Variants in RNF125 observed in about 807,000 individuals in gnomAD.
RNF125 encodes ring finger protein 125, also known as E3 ubiquitin-protein ligase RNF125.
RNF125 carries 21 observed loss-of-function variants against 26.0 expected under a neutral mutation model. The observed-to-expected ratio is 0.81, with a 90% CI of 0.57 to 1.16. The LOEUF is 1.16. Among genes scored for constraint, RNF125 ranks in the 50% most tolerant of loss-of-function variants. The pLI is 0.00. For synonymous variants in RNF125, 95 were observed against 109.2 expected (o/e 0.87, Z 0.81); for missense variants, 270 against 299.4 (o/e 0.90, Z 0.72).
At chr18:32,086,780 A>G in the RNF125 span, among the ~76,000 whole-genome samples, 241 of 152,062 alleles carry the variant, frequency 1.6e-3, 1 homozygote, top group African/African-American at 5.5e-3. Context: ...CGGCCTCCCA[A>G]AGTGTTGGGA....
At chr18:32,041,282 G>C (rs1181186068) in intron 2 of RNF125, among the ~76,000 whole-genome samples, 1 of 152,164 alleles carries the variant, frequency 6.6e-6, no homozygotes, top group Non-Finnish European at 1.5e-5. Context: ...TTTTATGTTT[G>C]CTCTTAATGG....
At chr18:32,054,619 T>A (rs987635096) in intron 4 of RNF125, among the ~76,000 whole-genome samples, 2 of 152,222 alleles carry the variant, frequency 1.3e-5, no homozygotes, top group Admixed American at 6.6e-5. Flanking sequence ...TCTGATTCTG[T>A]GTATCAACTA....
intron 2 of RNF125, among the ~76,000 whole-genome samples, chr18:32,038,452 C>G (rs985624849): frequency 4.6e-5 from 7 of 152,174 alleles, no homozygotes; most frequent in African/African-American, 1.7e-4. Context: ...CTCCATTTTC[C>G]CTTCTTCCCA....
At chr18:32,090,768 G>A in the RNF125 span, among the ~76,000 whole-genome samples, 1 of 152,154 alleles carries the variant, frequency 6.6e-6, no homozygotes, top group Non-Finnish European at 1.5e-5. Context: ...TGTCAACATA[G>A]ACAATAAATG....
chr18:32,076,223 G>T, downstream of RNF125: 1 of 459,976 alleles, frequency 2.2e-6, no homozygotes, highest in Admixed American at 2.9e-5. Flanking sequence ...TCTCTTTTTG[G>T]CATTGTTGAT....
intron 4 of RNF125, among the ~76,000 whole-genome samples, chr18:32,053,218 C>T (rs146286419): frequency 0.014 from 2,134 of 151,826 alleles, 135 homozygotes; most frequent in Admixed American, 0.089. Context: ...CAAAATTAGC[C>T]GGGCATGGTG....
intron 1 of RNF125, among the ~76,000 whole-genome samples, chr18:32,026,548 C>T (rs1053069983): frequency 1.3e-5 from 2 of 152,074 alleles, no homozygotes; most frequent in African/African-American, 4.8e-5. Flanking sequence ...CCTGAGCACC[C>T]AGTCTTTTGT....
At chr18:32,077,684 G>GA (rs1053331595), downstream of RNF125, among the ~76,000 whole-genome samples, 9 of 151,400 alleles carry the variant, frequency 5.9e-5, no homozygotes, top group East Asian at 3.9e-4. Context: ...TTTGAAAGAA[G>GA]AAAAAAATCA....
intron 2 of RNF125, among the ~76,000 whole-genome samples, chr18:32,041,458 T>G (rs959046891): frequency 2.0e-5 from 3 of 152,094 alleles, no homozygotes; most frequent in Non-Finnish European, 4.4e-5. Flanking sequence ...TTCTTTTTTC[T>G]GTCTCTTTTT....
At chr18:32,065,144 CAT>C (rs2039472213) in intron 4 of RNF125, among the ~76,000 whole-genome samples, 1 of 152,104 alleles carries the variant, frequency 6.6e-6, no homozygotes, top group South Asian at 2.1e-4. Context: ...AATTTTATAA[CAT>C]AATACTGAGG....
chr18:32,039,497 A>G (rs1471016809), intron 2 of RNF125, among the ~76,000 whole-genome samples: 1 of 152,140 alleles, frequency 6.6e-6, no homozygotes, highest in Non-Finnish European at 1.5e-5. Flanking sequence ...ATAACTGATG[A>G]TTGTCTTTTA....
chr18:32,035,378 AGAG>A (rs1286823687), intron 1 of RNF125, among the ~76,000 whole-genome samples: 1 of 152,186 alleles, frequency 6.6e-6, no homozygotes, highest in Non-Finnish European at 1.5e-5. Flanking sequence ...AAAAAAATAA[AGAG>A]GAAAAAAATC....
In RNF125 at chr18:32,053,906, G is replaced by C. The variant is rs190625317; in HGVS notation, c.504+8174G>C. 2.0e-3 allele frequency among the ~76,000 whole-genome samples: 299 copies of C among 152,050 alleles called. 2 individuals carry two copies. The highest frequency in any genetic ancestry group is 6.8e-3 in the African/African-American group (281 of 41,468). On this transcript the variant is annotated intron_variant, in intron 4 of 5. Transcript: ENST00000217740. ...TAAGGACCAGTTCAGAAAGACTAGG[G>C]GGGGAGACAGGGTATTTGACTCCAT...
intron 1 of RNF125, among the ~76,000 whole-genome samples, chr18:32,036,784 T>G (rs2039160225): frequency 6.6e-6 from 1 of 152,170 alleles, no homozygotes; most frequent in South Asian, 2.1e-4. Context: ...AGACATATTT[T>G]CTCAAGAAAT....
chr18:32,043,644 T>C (rs1224397030), intron 3 of RNF125, among the ~76,000 whole-genome samples: 2 of 152,198 alleles, frequency 1.3e-5, no homozygotes, highest in Non-Finnish European at 2.9e-5. Context: ...GATTGCAAGG[T>C]TGATGGCTTT....
chr18:32,060,541 T>A (rs932418027), intron 4 of RNF125, among the ~76,000 whole-genome samples: 9 of 152,324 alleles, frequency 5.9e-5, no homozygotes, highest in African/African-American at 2.2e-4. Flanking sequence ...CACTGTATAG[T>A]TGTTGGCTCT....
downstream of RNF125, chr18:32,075,883 C>T: frequency 2.0e-6 from 2 of 1,004,148 alleles, no homozygotes; most frequent in South Asian, 1.3e-5. Context: ...TATATTACAT[C>T]TCTAGAAAAG....
intron 1 of RNF125, among the ~76,000 whole-genome samples, chr18:32,023,214 G>T (rs1044311266): frequency 6.6e-6 from 1 of 152,096 alleles, no homozygotes; most frequent in Non-Finnish European, 1.5e-5. Context: ...GGGCAGTGGC[G>T]TGATCTCAGC....
At chr18:32,060,087 T>G (rs2039420822) in intron 4 of RNF125, among the ~76,000 whole-genome samples, 1 of 152,224 alleles carries the variant, frequency 6.6e-6, no homozygotes, top group Non-Finnish European at 1.5e-5. Flanking sequence ...TTTGGCTTTA[T>G]GGTTTCTTGA....
Sources: gnomAD v4.1 joint callset for allele counts (sites outside exome capture counted in the v4.1 genomes callset) on GRCh38, gnomAD v4.1.1 for gene constraint, MANE v1.5 for transcripts, NCBI Gene and HGNC (gene_info 2026-07-23, HGNC 2026-07-21) for gene names.